The following HSD17B4 variants were observed in gnomAD, a reference collection of about 807,000 sequenced individuals.
HSD17B4 encodes hydroxysteroid 17-beta dehydrogenase 4, also known as peroxisomal multifunctional enzyme type 2.
HSD17B4 carries 70 observed loss-of-function variants against 101.0 expected under a neutral mutation model. That is an observed-to-expected ratio of 0.69 (90% CI 0.57 to 0.85). HSD17B4 has a LOEUF of 0.85. HSD17B4 is among the 40% of genes least tolerant of loss of function. The probability of loss-of-function intolerance (pLI) is 0.00; values close to 1 mark genes in which losing one functional copy is unlikely to be tolerated. For synonymous variants in HSD17B4, 347 were observed against 297.1 expected (o/e 1.17, Z -1.73); for missense variants, 984 against 892.4 (o/e 1.10, Z -1.31).
intron 2 of HSD17B4, among the ~76,000 whole-genome samples, chr5:119,463,103 T>C (rs1274600566): frequency 6.6e-6 from 1 of 152,222 alleles, no homozygotes; most frequent in Non-Finnish European, 1.5e-5. Flanking sequence ...GAAAACATGA[T>C]GTATTTATCT....
At chr5:119,509,788 C>T (rs1445994401) in intron 16 of HSD17B4, among the ~76,000 whole-genome samples, 2 of 152,164 alleles carry the variant, frequency 1.3e-5, no homozygotes, top group African/African-American at 4.8e-5. Context: ...ACTCCTTCCT[C>T]CATGGAATGT....
At chr5:119,507,958 A>G (rs1178185701) in intron 15 of HSD17B4, among the ~76,000 whole-genome samples, 1 of 152,118 alleles carries the variant, frequency 6.6e-6, no homozygotes, top group East Asian at 1.9e-4. Flanking sequence ...TTTGGAATAT[A>G]AGTTTATCAT....
chr5:119,522,559 G>A (rs1039778437), intron 17 of HSD17B4, among the ~76,000 whole-genome samples: 6 of 152,134 alleles, frequency 3.9e-5, no homozygotes, highest in South Asian at 4.1e-4. Flanking sequence ...ACCTCTGTGC[G>A]TTTTGTGGTT....
intron 2 of HSD17B4, among the ~76,000 whole-genome samples, chr5:119,463,655 CTTTTTT>C (rs57252147): frequency 3.4e-5 from 1 of 29,688 alleles, no homozygotes; most frequent in African/African-American, 7.5e-5. Context: ...ATTTATATGT[CTTTTTT>C]TTTTTTTTTT....
At chr5:119,514,138 C>G (rs560909324) in intron 16 of HSD17B4, among the ~76,000 whole-genome samples, 56 of 152,236 alleles carry the variant, frequency 3.7e-4, no homozygotes, top group African/African-American at 1.3e-3. Context: ...GTAATTGATG[C>G]AATGATTTTT....
At chr5:119,506,079 C>A (rs912300414) in intron 14 of HSD17B4, among the ~76,000 whole-genome samples, 1 of 152,098 alleles carries the variant, frequency 6.6e-6, no homozygotes, top group Non-Finnish European at 1.5e-5. Context: ...AGTTTTGTTA[C>A]ATAGGTATAC....
At chr5:119,505,261 G>GT (rs1751540463) in intron 14 of HSD17B4, among the ~76,000 whole-genome samples, 1 of 151,770 alleles carries the variant, frequency 6.6e-6, no homozygotes, top group Admixed American at 6.6e-5. Flanking sequence ...TTTTAGAATA[G>GT]TTTTTTCTAA....
In HSD17B4 at chr5:119,525,901, TTC is replaced by T; in HGVS notation, c.1574-10_1574-9del. ...AAAGGTACCTGTATCTAACTCAGTG[TTC>T]TCTCTTTTCCTAGGTTTTGACAAGC... On this transcript the variant is annotated splice_polypyrimidine_tract_variant and intron_variant, in intron 18 of 23. Coordinates refer to ENST00000510025, the MANE Select transcript of HSD17B4 (RefSeq NM_000414.4). 1 of 1,438,520 alleles carries T rather than the reference TTC, an allele frequency of 7.0e-7. No homozygotes were observed. The highest frequency in any genetic ancestry group is 1.7e-5 in the Admixed American group (1 of 59,658). The allele number at this position is 1,438,520 out of a possible 1,614,324, so 89.1% of individuals were successfully genotyped here.
chr5:119,501,937 T>G, intron 13 of HSD17B4, 104 bp from the exon 14 acceptor site: 3 of 723,564 alleles, frequency 4.1e-6, no homozygotes, highest in Non-Finnish European at 5.0e-6. Context: ...GAGAGAAATG[T>G]GAGCCTGTGG....
Position 119,452,504 on chromosome 5 carries a change from G to C in HSD17B4, c.-72G>C. The C allele has an allele frequency of 6.2e-7, 1 of 1,611,718 alleles. No individual in the cohort carries two copies. Among genetic ancestry groups the C allele is most frequent in the African/African-American group, 1.3e-5 (1 of 74,998 alleles). On this transcript the variant is annotated 5_prime_UTR_variant, in exon 1 of 24. Transcript: ENST00000510025. ...CCTCGTCCCGCCCCCGCCATTCCCC[G>C]CCTCCTCCTGTCCCGCAGTCGGCGT...
intron 1 of HSD17B4, among the ~76,000 whole-genome samples, chr5:119,456,019 C>A (rs1323526239): frequency 6.6e-6 from 1 of 152,170 alleles, no homozygotes; most frequent in Non-Finnish European, 1.5e-5. Context: ...CTTACACCTT[C>A]TAAGTTTTAT....
intron 17 of HSD17B4, among the ~76,000 whole-genome samples, chr5:119,522,714 T>A (rs1399974090): frequency 6.6e-6 from 1 of 152,130 alleles, no homozygotes; most frequent in Non-Finnish European, 1.5e-5. Flanking sequence ...TCTTTCAGGA[T>A]CATTAATTTC....
At chr5:119,499,695 T>C in intron 13 of HSD17B4, 142 bp downstream of exon 13, 1 of 458,952 alleles carries the variant, frequency 2.2e-6, no homozygotes, top group Non-Finnish European at 3.7e-6. Flanking sequence ...AGCATATCTT[T>C]TGATTTTTCT....
intron 13 of HSD17B4, among the ~76,000 whole-genome samples, chr5:119,500,456 A>G (rs1751055370): frequency 2.6e-5 from 4 of 152,108 alleles, no homozygotes; most frequent in Admixed American, 2.0e-4. Context: ...TGTATAATTT[A>G]TACATACACA....
At chr5:119,466,135 C>T (rs1755785085) in intron 2 of HSD17B4, among the ~76,000 whole-genome samples, 1 of 152,108 alleles carries the variant, frequency 6.6e-6, no homozygotes, top group Non-Finnish European at 1.5e-5. Context: ...TACACATAAC[C>T]ATCGTTACAT....
At chr5:119,519,919 A>C (rs1246209503) in intron 17 of HSD17B4, among the ~76,000 whole-genome samples, 1 of 152,194 alleles carries the variant, frequency 6.6e-6, no homozygotes, top group Non-Finnish European at 1.5e-5. Context: ...CTCTGGTCTC[A>C]TAATCTGAGA....
intron 2 of HSD17B4, among the ~76,000 whole-genome samples, chr5:119,463,262 A>T (rs1580516295): frequency 6.6e-6 from 1 of 152,306 alleles, no homozygotes; most frequent in East Asian, 1.9e-4. Context: ...TCTGTTGATG[A>T]ACGCTTAGGC....
At chr5:119,514,107 A>T (rs1752404999) in intron 16 of HSD17B4, among the ~76,000 whole-genome samples, 1 of 152,184 alleles carries the variant, frequency 6.6e-6, no homozygotes, top group African/African-American at 2.4e-5. Flanking sequence ...AATACACTGG[A>T]TGCAACTGAA....
intron 8 of HSD17B4, among the ~76,000 whole-genome samples, chr5:119,482,599 A>T (rs558110229): frequency 6.6e-6 from 1 of 152,146 alleles, no homozygotes; most frequent in African/African-American, 2.4e-5. Flanking sequence ...TTTTATGTTT[A>T]TCTCGTTAGG....
Sources: gnomAD v4.1 joint callset for allele counts (sites outside exome capture counted in the v4.1 genomes callset) on GRCh38, gnomAD v4.1.1 for gene constraint, MANE v1.5 for transcripts, NCBI Gene and HGNC (gene_info 2026-07-23, HGNC 2026-07-21) for gene names.